The following ITPRID1 variants were observed in gnomAD, a reference collection of about 807,000 sequenced individuals.
The protein encoded by ITPRID1 is ITPR interacting domain containing 1, also known as protein ITPRID1.
ITPRID1 carries 96 observed loss-of-function variants against 95.4 expected under a neutral mutation model. The ratio of observed to expected loss-of-function variants is 1.01; its 90% confidence interval spans 0.85 to 1.19. The LOEUF is 1.19. ITPRID1 is among the 50% of genes most tolerant of loss of function. The pLI is 0.00. For synonymous variants in ITPRID1, 510 were observed against 453.6 expected, an observed-to-expected ratio of 1.12 and a Z score of -1.58; for missense variants, 1,339 against 1,252.9, an observed-to-expected ratio of 1.07 and a Z score of -1.04.
intron 10 of ITPRID1, among the ~76,000 whole-genome samples, chr7:31,588,625 C>A (rs1444049849): frequency 4.8e-3 from 2 of 418 alleles, no homozygotes; most frequent in African/African-American, 5.4e-3. Context: ...GAGTGATACT[C>A]TGTCTCAAAA....
chr7:31,521,680 TTCCTTCC>T (rs1783263205), intron 1 of ITPRID1, among the ~76,000 whole-genome samples: 1 of 135,252 alleles, frequency 7.4e-6, no homozygotes. Flanking sequence ...CCTTCCTTCC[TTCCTTCC>T]TCCTTTATTC....
chr7:31,602,963 C>T (rs1786461853), intron 10 of ITPRID1, among the ~76,000 whole-genome samples: 1 of 151,070 alleles, frequency 6.6e-6, no homozygotes, highest in African/African-American at 2.4e-5. Context: ...AAGCACAAAC[C>T]TGTTTCTTCC....
chr7:31,642,883 G>A lies in ITPRID1; in HGVS notation c.1513G>A (p.Glu505Lys), dbSNP rs1790151476. 1.2e-6 allele frequency: 2 copies of A among 1,614,030 alleles called. No individual in the cohort carries two copies. Among genetic ancestry groups the A allele is most frequent in the Non-Finnish European group, 1.7e-6 (2 of 1,179,892 alleles). ...GGCCTCAGTATCTGTGATGGAGGAA[G>A]AGTTTCTGCTTGAGGCCATGGAGGG... ...QRASVSVMEE[E>K]FLLEAMEGPP... Residue 505 changes from glutamate (E) to lysine (K), a missense_variant, in exon 12 of 15, where the codon GAG (glutamate) becomes AAG (lysine). Physicochemically the swap from Glu to Lys is moderately conservative, Grantham distance 56. Transcript: ENST00000615280.
intron 12 of ITPRID1, among the ~76,000 whole-genome samples, chr7:31,645,722 G>A (rs937610283): frequency 1.2e-4 from 19 of 152,134 alleles, no homozygotes; most frequent in African/African-American, 3.6e-4. Flanking sequence ...ATGACATTTC[G>A]TGATGTTTGG....
intron 9 of ITPRID1, among the ~76,000 whole-genome samples, chr7:31,581,471 T>A (rs1785401885): frequency 1.3e-5 from 2 of 152,180 alleles, no homozygotes; most frequent in Admixed American, 6.5e-5. Flanking sequence ...GGATGCTTCT[T>A]CATATCCATA....
intron 10 of ITPRID1, among the ~76,000 whole-genome samples, chr7:31,602,346 C>T (rs138823026): frequency 2.2e-3 from 336 of 152,302 alleles, no homozygotes; most frequent in African/African-American, 7.3e-3. Flanking sequence ...TCTACAGTAG[C>T]ACTGGCAGTT....
chr7:31,599,255 C>T (rs150757086), intron 10 of ITPRID1, among the ~76,000 whole-genome samples: 115 of 152,216 alleles, frequency 7.6e-4, no homozygotes, highest in Non-Finnish European at 1.3e-3. Context: ...GTTAGTCTAT[C>T]CACATAGATA....
chr7:31,642,493 T>A (rs1398536439), intron 11 of ITPRID1, among the ~76,000 whole-genome samples, 189 bp from the exon 12 acceptor site: 1 of 152,214 alleles, frequency 6.6e-6, no homozygotes, highest in Non-Finnish European at 1.5e-5. Flanking sequence ...TCCTTTTGAC[T>A]TTTCTAAGCA....
intron 10 of ITPRID1, among the ~76,000 whole-genome samples, chr7:31,610,728 C>A (rs1053794796): frequency 4.0e-5 from 6 of 151,270 alleles, no homozygotes; most frequent in South Asian, 2.1e-4. Context: ...ATCTTATTGT[C>A]TATATAATAG....
At chr7:31,613,688 T>A (rs190787994) in intron 10 of ITPRID1, among the ~76,000 whole-genome samples, 1 of 152,334 alleles carries the variant, frequency 6.6e-6, no homozygotes, top group African/African-American at 2.4e-5. Context: ...CAGTTTGTTT[T>A]GTTTCTATCT....
chr7:31,599,849 C>A (rs1786313720), intron 10 of ITPRID1, among the ~76,000 whole-genome samples: 1 of 151,846 alleles, frequency 6.6e-6, no homozygotes, highest in Non-Finnish European at 1.5e-5. Context: ...GCGCCTGCCA[C>A]CACGCCCGGC....
intron 10 of ITPRID1, among the ~76,000 whole-genome samples, chr7:31,625,651 C>T (rs1394610447): frequency 6.6e-6 from 1 of 151,872 alleles, no homozygotes. Context: ...AGGGATAGCA[C>T]TGGGAGATAT....
At chr7:31,581,638 T>G in intron 9 of ITPRID1, among the ~76,000 whole-genome samples, 1 of 152,168 alleles carries the variant, frequency 6.6e-6, no homozygotes, top group East Asian at 1.9e-4. Flanking sequence ...GTTTATTTTA[T>G]TTTTTATTAA....
At chr7:31,531,572 A>T (rs1168947400) in intron 1 of ITPRID1, among the ~76,000 whole-genome samples, 2 of 152,132 alleles carry the variant, frequency 1.3e-5, no homozygotes, top group Non-Finnish European at 2.9e-5. Context: ...GACACAATGA[A>T]GCTGCGAAAA....
chr7:31,593,103 G>A lies in ITPRID1; in HGVS notation c.1228+9912G>A, dbSNP rs556607392. Among the ~76,000 whole-genome samples, 49 of 152,110 alleles carry A rather than the reference G, an allele frequency of 3.2e-4. 1 individual carries two copies. Among genetic ancestry groups the A allele is most frequent in the Admixed American group, 2.6e-3 (40 of 15,278 alleles). On this transcript the variant is annotated intron_variant, in intron 10 of 14. Transcript: ENST00000615280. ...GTCGATCACTTGAGGTCAGGAGTTCGAGACCAGCCTGGCCAACATGGTGAA... is the reference window on the plus strand; with the variant it reads ...GTCGATCACTTGAGGTCAGGAGTTCAAGACCAGCCTGGCCAACATGGTGAA...
At chr7:31,559,443 T>G (rs886188569) in intron 5 of ITPRID1, among the ~76,000 whole-genome samples, 6 of 152,108 alleles carry the variant, frequency 3.9e-5, no homozygotes, top group African/African-American at 1.4e-4. Flanking sequence ...GGCAGATCAC[T>G]TGAGGCCAGG....
intron 12 of ITPRID1, among the ~76,000 whole-genome samples, chr7:31,648,161 G>C (rs1294768643): frequency 1.3e-5 from 2 of 152,094 alleles, no homozygotes; most frequent in African/African-American, 4.8e-5. Flanking sequence ...AAAAGTAAAA[G>C]TACACAAATA....
At chr7:31,619,690 G>T (rs962859399) in intron 10 of ITPRID1, among the ~76,000 whole-genome samples, 4 of 152,086 alleles carry the variant, frequency 2.6e-5, no homozygotes, top group African/African-American at 9.7e-5. Flanking sequence ...GCAGAAGACG[G>T]GTGATTTCTG....
chr7:31,570,191 A>G (rs1784936356), intron 6 of ITPRID1, among the ~76,000 whole-genome samples: 1 of 152,196 alleles, frequency 6.6e-6, no homozygotes, highest in Admixed American at 6.5e-5. Context: ...AATATATACA[A>G]TTTCCAATGC....
Sources: allele counts gnomAD v4.1 joint callset (sites outside exome capture counted in the v4.1 genomes callset), GRCh38; gene constraint gnomAD v4.1.1; transcripts MANE v1.5; gene names NCBI Gene and HGNC (gene_info 2026-07-23, HGNC 2026-07-21).